Variants in SRCAP observed in about 807,000 individuals in gnomAD.
SRCAP encodes the protein chromatin remodeling protein SRCAP.
In SRCAP, 46 loss-of-function variants were observed where a neutral mutation model predicts 263.1. The ratio of observed to expected loss-of-function variants is 0.17; its 90% confidence interval spans 0.14 to 0.22. The LOEUF (loss-of-function observed/expected upper bound fraction) is 0.22. Among genes scored for constraint, SRCAP ranks in the 10% least tolerant of loss-of-function variants. The pLI, the probability that SRCAP is intolerant of heterozygous loss-of-function variation, is 1.00. For synonymous variants in SRCAP, 1,813 were observed against 1,662.1 expected, an observed-to-expected ratio of 1.09 and a Z score of -2.21; for missense variants, 3,695 against 4,181.9, an observed-to-expected ratio of 0.88 and a Z score of 3.21.
At chr16:30,708,992 A>C (rs761528492) in intron 6 of SRCAP, among the ~76,000 whole-genome samples, 18 of 151,530 alleles carry the variant, frequency 1.2e-4, no homozygotes, top group Non-Finnish European at 2.5e-4. Context: ...CTAATTTTTT[A>C]TTTTTAGTAG....
chr16:30,723,576 C>T lies in SRCAP; in HGVS notation c.4160-8C>T, dbSNP rs1596655550. 6.2e-7 allele frequency: 1 copy of T among 1,608,446 alleles called. No individual in the cohort carries two copies. The highest frequency in any genetic ancestry group is 1.1e-5 in the South Asian group (1 of 90,162). On this transcript the variant is annotated splice_polypyrimidine_tract_variant and splice_region_variant and intron_variant, in intron 24 of 33. Transcript: ENST00000262518. ...ATTCTGGGGCTAACTCATCCTCTCT[C>T]TCCACAGCTTCAGCCCCCGGAGCTG...
In SRCAP at chr16:30,708,942, C is replaced by T. The variant is rs903974908; in HGVS notation, c.634-571C>T. Among the ~76,000 whole-genome samples, 10 of 152,094 alleles carry T rather than the reference C, an allele frequency of 6.6e-5. No homozygotes were observed. The East Asian group carries it at 7.7e-4, about 12-fold the overall frequency. ...CAAGCGATTCTCCTGCCTCTGCCTC[C>T]GGAGTAGCTGAGTTTACAGGTGCCC... On this transcript the variant is annotated intron_variant, in intron 6 of 33. Transcript: ENST00000262518.
In SRCAP at chr16:30,723,627, C is replaced by G. The variant is rs183580316; in HGVS notation, c.4203C>G (p.Leu1401=). ...CCCCCTTGACCATCTCTTCTCCTCT[C>G]CACGTGCCATCCTCCCTCCCTGGGC... The part of the protein sequence containing the change: ...GAAPLTISSP[L]HVPSSLPGPA... The change falls in exon 25 of 34, where the codon CTC becomes CTG. Residue 1401 remains leucine, a synonymous_variant. Coordinates refer to ENST00000262518, the MANE Select transcript of SRCAP (RefSeq NM_006662.3). 1.5e-5 allele frequency: 24 copies of G among 1,613,538 alleles called. No homozygotes were observed. In the East Asian group the frequency reaches 4.0e-4, roughly 27 times the overall value.
intron 3 of SRCAP, among the ~76,000 whole-genome samples, chr16:30,702,393 C>T (rs1423134909): frequency 6.6e-6 from 1 of 151,550 alleles, no homozygotes; most frequent in Non-Finnish European, 1.5e-5. Context: ...CCACCACGCC[C>T]AGCTAATTTT....
At chr16:30,725,978 A>G (rs536409485) in intron 25 of SRCAP, 1 of 152,168 alleles carries the variant, frequency 6.6e-6, no homozygotes, top group South Asian at 2.1e-4. Context: ...AATCATCAAC[A>G]CAATCAACTT....
In SRCAP at chr16:30,711,735, A is replaced by T; in HGVS notation, c.1483A>T (p.Ser495Cys). The stretch of plus-strand genomic sequence containing the variant: ...AGAGCCTCCTCAGGAGGATAGTAGC[A>T]GTCAGTCAGGTGAATATGTGGTCAT... ...AEEPPQEDSS[S>C]QSDSVEDRSE... The change falls in exon 11 of 34, where the codon AGT (serine) becomes TGT (cysteine). Residue 495 changes from serine to cysteine, a missense_variant. Ser to Cys is a moderately radical substitution (Grantham distance 112). This residue lies in a region of SRCAP where 288 missense variants were observed against 302.4 expected (regional missense o/e 0.95). Coordinates refer to ENST00000262518, the MANE Select transcript of SRCAP (RefSeq NM_006662.3). The T allele has an allele frequency of 6.2e-7, 1 of 1,612,870 alleles. No homozygotes were observed. The highest frequency in any genetic ancestry group is 8.5e-7 in the Non-Finnish European group (1 of 1,179,352).
In SRCAP at chr16:30,728,259, G is replaced by C. The variant is rs1010436494; in HGVS notation, c.5659-707G>C. On this transcript the variant is annotated intron_variant, in intron 25 of 33. Coordinates refer to ENST00000262518, the MANE Select transcript of SRCAP (RefSeq NM_006662.3). ...GTTACTGAGTGATTATAGTGAGCAA[G>C]GCACAGTTCATGTTGTATGGGGCCT... is the stretch of plus-strand genomic sequence containing the variant. Among the ~76,000 whole-genome samples the C allele has an allele frequency of 2.6e-5, 4 of 152,314 alleles. No homozygotes were observed. In the East Asian group the frequency reaches 5.8e-4, roughly 22 times the overall value.
rs1178429440 is a variant in SRCAP at position 30,738,688 on chromosome 16, C to T, written c.8648C>T (p.Ser2883Phe). The part of the protein sequence containing the change: ...AGRGVDEAPS[S>F]TLKGKTNGAD... ...AGAGGTGTGGATGAGGCACCCTCAT[C>T]CACCTTGAAGGGAAAAACCAATGGG... is the stretch of plus-strand genomic sequence containing the variant. The change falls in exon 34 of 34, where the codon TCC becomes TTC. Residue 2883 changes from serine (S) to phenylalanine (F), a missense_variant. Physicochemically the swap from Ser to Phe is radical, Grantham distance 155. Transcript: ENST00000262518. The T allele has an allele frequency of 6.2e-7, 1 of 1,613,958 alleles. No homozygotes were observed.
intron 15 of SRCAP, 64 bp from the exon 16 acceptor site, chr16:30,713,455 G>T: frequency 6.2e-7 from 1 of 1,611,238 alleles, no homozygotes; most frequent in Non-Finnish European, 8.5e-7. Context: ...GAATGTATCA[G>T]AATGCTCAGA....
chr16:30,721,745 A>G (rs1272542165), intron 21 of SRCAP, among the ~76,000 whole-genome samples: 1 of 152,256 alleles, frequency 6.6e-6, no homozygotes, highest in Non-Finnish European at 1.5e-5. Context: ...AGACATTGTC[A>G]GATCATAATT....
rs2052748166 is a variant in SRCAP at position 30,700,074 on chromosome 16, T to C, written c.-210+93T>C. The C allele has an allele frequency of 2.6e-5, 4 of 152,334 alleles. No individual in the cohort carries two copies. The South Asian group carries it at 6.2e-4, about 24-fold the overall frequency. 9.4% of individuals were successfully genotyped at this position (152,334 alleles called of 1,614,324 possible). A position where few individuals can be genotyped will look rare whatever the true frequency, so the allele number is the denominator to read the frequency against. On this transcript the variant is annotated intron_variant, in intron 2 of 33. Coordinates refer to ENST00000262518, the MANE Select transcript of SRCAP (RefSeq NM_006662.3). ...AGGTCCGTATTGGGGATTTTCACTC[T>C]AGAGAAGCATGGGAATGTTTGCATG...
intron 10 of SRCAP, 55 bp downstream of exon 10, chr16:30,711,143 TAC>T: frequency 7.2e-7 from 1 of 1,389,906 alleles, no homozygotes; most frequent in Non-Finnish European, 1.0e-6. Flanking sequence ...CGGTGTGCAG[TAC>T]CAAGGATAAA....
Position 30,725,225 on chromosome 16 carries a change from C to G in SRCAP, c.5658+143C>G, listed in dbSNP as rs538132434. 2.1e-3 allele frequency: 3,001 copies of G among 1,421,420 alleles called. 8 individuals are homozygous for G. Among genetic ancestry groups the G allele is most frequent in the Non-Finnish European group, 2.0e-3 (2,194 of 1,085,156 alleles). The allele number at this position is 1,421,420 out of a possible 1,614,324, so 88.1% of individuals were successfully genotyped here. Reference sequence around the variant, plus strand: ...ACCAAGTACTTGAGTGACATTTGGACAAGTCCCTTCTCTTCCCTGGGCGTG... The same window carrying G: ...ACCAAGTACTTGAGTGACATTTGGAGAAGTCCCTTCTCTTCCCTGGGCGTG... On this transcript the variant is annotated intron_variant, in intron 25 of 33. Transcript: ENST00000262518.
At chr16:30,736,430 C>T in intron 32 of SRCAP, 36 bp downstream of exon 32, 1 of 1,603,972 alleles carries the variant, frequency 6.2e-7, no homozygotes, top group Non-Finnish European at 8.5e-7. Context: ...GACTTTACTG[C>T]TTCCCCTGGG....
chr16:30,737,425 T>C lies in SRCAP; in HGVS notation c.7385T>C (p.Val2462Ala). 1 of 1,602,882 alleles carries C rather than the reference T, an allele frequency of 6.2e-7. No individual in the cohort carries two copies. Among genetic ancestry groups the C allele is most frequent in the Non-Finnish European group, 8.5e-7 (1 of 1,174,700 alleles). Residue 2462 changes from valine (V) to alanine (A), a missense_variant, in exon 34 of 34, where the codon GTT becomes GCT. Physicochemically the swap from Val to Ala is moderately conservative, Grantham distance 64. Transcript: ENST00000262518. ...ATTCCTGCCCTTGTTCCTGTCCCAG[T>C]TTCTGCCCCAGTACCCATTTCAGCC... ...AAIPALVPVP[V>A]SAPVPISAPN...
In SRCAP at chr16:30,707,643, G is replaced by A. The variant is rs758019448; in HGVS notation, c.564G>A (p.Gln188=). The A allele has an allele frequency of 1.1e-5, 17 of 1,614,056 alleles. No homozygotes were observed. The highest frequency in any genetic ancestry group is 1.4e-5 in the Non-Finnish European group (17 of 1,180,044). The change falls in exon 6 of 34, where the codon CAG becomes CAA. Residue 188 remains glutamine (Q), a synonymous_variant. Transcript: ENST00000262518. ...AGGAACGGGCCCGGAGGGAGGAGCA[G>A]GCCAAGCTGCGTCGAATTGCTTCCA... ...QKEERARREE[Q]AKLRRIASTM...
At chr16:30,705,951 G>T (rs1421470645) in intron 4 of SRCAP, among the ~76,000 whole-genome samples, 2 of 152,100 alleles carry the variant, frequency 1.3e-5, no homozygotes, top group African/African-American at 4.8e-5. Context: ...TGATCCACCC[G>T]CCTTGGCCTC....
intron 18 of SRCAP, among the ~76,000 whole-genome samples, chr16:30,717,893 C>T (rs1483219498): frequency 2.7e-5 from 4 of 150,374 alleles, no homozygotes; most frequent in Admixed American, 6.6e-5. Flanking sequence ...AGATGTGAGC[C>T]ACTGCACCCG....
chr16:30,741,204 A>G lies in SRCAP; in HGVS notation c.*1471A>G, dbSNP rs1370017395. The G allele has an allele frequency of 2.0e-5, 3 of 152,266 alleles. No homozygotes were observed. The East Asian group carries it at 5.8e-4, about 29-fold the overall frequency. The allele number at this position is 152,266 out of a possible 1,614,324, so 9.4% of individuals were successfully genotyped here. On this transcript the variant is annotated 3_prime_UTR_variant, in exon 34 of 34. Transcript: ENST00000262518. ...TTTCTGATGTTTGGTTTTAGTGGTAATAAAGGGCTTACTTGGGTACATTTT... is the reference window on the plus strand; with the variant it reads ...TTTCTGATGTTTGGTTTTAGTGGTAGTAAAGGGCTTACTTGGGTACATTTT...
Sources: allele counts gnomAD v4.1 joint callset (sites outside exome capture counted in the v4.1 genomes callset), GRCh38; gene constraint gnomAD v4.1.1; regional missense constraint gnomAD v4.1.1; transcripts MANE v1.5; gene names NCBI Gene and HGNC (gene_info 2026-07-23, HGNC 2026-07-21).